Variants in CSMD1 observed in about 807,000 individuals in gnomAD.
CSMD1 encodes CUB and Sushi multiple domains 1.
CSMD1 carries 213 observed loss-of-function variants against 417.5 expected under a neutral mutation model. That is an observed-to-expected ratio of 0.51 (90% CI 0.46 to 0.57). The LOEUF (loss-of-function observed/expected upper bound fraction) is 0.57. Ranked by LOEUF, CSMD1 falls within the 20% of genes least tolerant of loss-of-function variation. CSMD1 has a pLI of 0.00. For missense variants in CSMD1, 6,923 were observed against 4,529.7 expected, an observed-to-expected ratio of 1.53 and a Z score of -15.17; for synonymous variants, 2,862 against 1,736.8, an observed-to-expected ratio of 1.65 and a Z score of -16.11.
At chr8:3,537,470 T>C (rs1164897360) in intron 10 of CSMD1, among the ~76,000 whole-genome samples, 3 of 152,226 alleles carry the variant, frequency 2.0e-5, no homozygotes, top group Non-Finnish European at 4.4e-5. Context: ...TAATAAAATA[T>C]GTAAAGTGAT....
intron 3 of CSMD1, among the ~76,000 whole-genome samples, chr8:4,243,584 G>A (rs1802529987): frequency 6.6e-6 from 1 of 152,082 alleles, no homozygotes; most frequent in Non-Finnish European, 1.5e-5. Flanking sequence ...AGTTATGCAA[G>A]GAGAGATGTC....
At position 3,912,212 on chromosome 8, in the gene CSMD1, G is replaced by A. The variant is rs545703900; in HGVS notation, c.818+85691C>T. ...TTCAGAGAAATCGTTTTCTAACTCTGATTCGACATACTTCTATAGGGGCAT... is the reference window on the plus strand; with the variant it reads ...TTCAGAGAAATCGTTTTCTAACTCTAATTCGACATACTTCTATAGGGGCAT... On this transcript the variant is annotated intron_variant, in intron 5 of 69. Coordinates refer to ENST00000635120, the MANE Select transcript of CSMD1 (RefSeq NM_033225.6). Among the ~76,000 whole-genome samples the A allele has an allele frequency of 2.0e-5, 3 of 152,182 alleles. No homozygotes were observed. In the South Asian group the frequency reaches 6.2e-4, roughly 32 times the overall value.
intron 1 of CSMD1, among the ~76,000 whole-genome samples, chr8:4,671,653 T>C (rs960036772): frequency 7.2e-5 from 11 of 152,296 alleles, no homozygotes; most frequent in Admixed American, 3.3e-4. Flanking sequence ...CGTTTTAAAA[T>C]GGAACTGTTT....
At chr8:4,438,245 T>A (rs1286676396) in intron 2 of CSMD1, among the ~76,000 whole-genome samples, 4 of 152,164 alleles carry the variant, frequency 2.6e-5, no homozygotes, top group Non-Finnish European at 5.9e-5. Context: ...CCGTCTTGTT[T>A]TTAGAGTGCA....
At chr8:4,075,222 T>C (rs768949858) in intron 3 of CSMD1, among the ~76,000 whole-genome samples, 7 of 152,202 alleles carry the variant, frequency 4.6e-5, no homozygotes, top group Non-Finnish European at 1.0e-4. Context: ...CATTCTAGTA[T>C]GTGCAGCTTA....
At chr8:4,068,507 G>C (rs890656627) in intron 3 of CSMD1, among the ~76,000 whole-genome samples, 2 of 152,130 alleles carry the variant, frequency 1.3e-5, no homozygotes, top group African/African-American at 2.4e-5. Context: ...AACAAAACAG[G>C]TTTAGTTTTT....
chr8:4,190,283 C>G (rs928926611), intron 3 of CSMD1, among the ~76,000 whole-genome samples: 1 of 146,120 alleles, frequency 6.8e-6, no homozygotes, highest in Non-Finnish European at 1.5e-5. Flanking sequence ...AAAGCAGAGA[C>G]TCTGGGTCTG....
chr8:3,806,429 G>C (rs1048296835), intron 5 of CSMD1, among the ~76,000 whole-genome samples: 1 of 152,204 alleles, frequency 6.6e-6, no homozygotes, highest in African/African-American at 2.4e-5. Context: ...TCCTGATACG[G>C]CCATGGCCTG....
At chr8:3,801,164 G>A (rs1402497260) in intron 5 of CSMD1, among the ~76,000 whole-genome samples, 1 of 151,622 alleles carries the variant, frequency 6.6e-6, no homozygotes, top group Admixed American at 6.6e-5. Context: ...ATACCACCAA[G>A]AAAAGATAGT....
chr8:3,491,333 G>C (rs1385897438), intron 11 of CSMD1, among the ~76,000 whole-genome samples: 1 of 152,134 alleles, frequency 6.6e-6, no homozygotes, highest in Non-Finnish European at 1.5e-5. Flanking sequence ...CTTCATCAAT[G>C]ATAAAGCAAT....
intron 3 of CSMD1, among the ~76,000 whole-genome samples, chr8:4,046,330 C>A (rs913483893): frequency 3.3e-5 from 5 of 152,072 alleles, no homozygotes; most frequent in African/African-American, 1.2e-4. Flanking sequence ...AAGTTAGCTT[C>A]TAAAAATAGA....
chr8:4,966,489 A>G (rs1406043080), intron 1 of CSMD1, among the ~76,000 whole-genome samples: 1 of 152,186 alleles, frequency 6.6e-6, no homozygotes, highest in Non-Finnish European at 1.5e-5. Context: ...AATGGGACAC[A>G]TCGCGAGGCC....
intron 1 of CSMD1, among the ~76,000 whole-genome samples, chr8:4,942,991 C>T (rs572898304): frequency 8.5e-5 from 13 of 152,200 alleles, no homozygotes; most frequent in East Asian, 5.8e-4. Context: ...GAAAGTCAGG[C>T]GCTCTCAGGA....
At chr8:4,233,981 G>C (rs1801894103) in intron 3 of CSMD1, among the ~76,000 whole-genome samples, 1 of 151,846 alleles carries the variant, frequency 6.6e-6, no homozygotes, top group African/African-American at 2.4e-5. Context: ...CGGGGGGTGG[G>C]GGAACATGTG....
chr8:3,240,008 G>C (rs932101958), intron 26 of CSMD1, among the ~76,000 whole-genome samples: 4 of 151,974 alleles, frequency 2.6e-5, no homozygotes, highest in Non-Finnish European at 5.9e-5. Context: ...AATAGATTTT[G>C]GAAGTTATGA....
At chr8:3,214,829 A>C in intron 29 of CSMD1, 138 bp from the exon 30 acceptor site, 1 of 501,506 alleles carries the variant, frequency 2.0e-6, no homozygotes, top group Non-Finnish European at 3.4e-6. Context: ...ATGCTCAAAG[A>C]ATATTTATTG....
At chr8:4,514,070 T>C (rs970951516) in intron 2 of CSMD1, among the ~76,000 whole-genome samples, 1 of 152,240 alleles carries the variant, frequency 6.6e-6, no homozygotes, top group African/African-American at 2.4e-5. Flanking sequence ...ACAAAATTTT[T>C]ATTTTATTAT....
chr8:4,474,872 C>G (rs994063081), intron 2 of CSMD1, among the ~76,000 whole-genome samples: 3 of 152,144 alleles, frequency 2.0e-5, no homozygotes, highest in Admixed American at 2.0e-4. Context: ...ACTTTCTTAA[C>G]ATTATTTTCT....
chr8:4,135,161 A>G lies in CSMD1; in HGVS notation c.416-103062T>C, dbSNP rs559872997. On this transcript the variant is annotated intron_variant, in intron 3 of 69. Coordinates refer to ENST00000635120, the MANE Select transcript of CSMD1 (RefSeq NM_033225.6). ...ATTGTCATATTCTGGTACAATCACT[A>G]TAAAATTTTCATTAGACAGGCTTCC... is the stretch of plus-strand genomic sequence containing the variant. Among the ~76,000 whole-genome samples the G allele has an allele frequency of 2.8e-4, 42 of 152,286 alleles. 1 individual carries two copies. Among genetic ancestry groups the G allele is most frequent in the Admixed American group, 2.2e-3 (34 of 15,294 alleles).
Sources: allele counts gnomAD v4.1 joint callset (sites outside exome capture counted in the v4.1 genomes callset), GRCh38; gene constraint gnomAD v4.1.1; transcripts MANE v1.5; gene names NCBI Gene and HGNC (gene_info 2026-07-23, HGNC 2026-07-21).